HSPG2: variants seen among roughly 807,000 people sequenced by gnomAD.
HSPG2 encodes heparan sulfate proteoglycan 2.
A neutral mutation model predicts 526.6 loss-of-function variants in HSPG2; 278 were observed. The observed-to-expected ratio is 0.53, with a 90% CI of 0.48 to 0.58. The LOEUF (loss-of-function observed/expected upper bound fraction) is 0.58. HSPG2 is among the 20% of genes least tolerant of loss of function. HSPG2 has a pLI of 0.00. For synonymous variants in HSPG2, 2,465 were observed against 2,555.4 expected (o/e 0.96, Z 1.07); for missense variants, 5,354 against 6,099.5 (o/e 0.88, Z 4.07).
At chr1:21,851,461 G>C in intron 55 of HSPG2, 85 bp downstream of exon 55, 1 of 1,595,626 alleles carries the variant, frequency 6.3e-7, no homozygotes. Flanking sequence ...CTGATCTCAG[G>C]GGAGCCTCTA....
At chr1:21,922,056 T>C (rs1309294095) in intron 1 of HSPG2, among the ~76,000 whole-genome samples, 1 of 152,196 alleles carries the variant, frequency 6.6e-6, no homozygotes, top group Admixed American at 6.5e-5. Flanking sequence ...GAGGTTTATC[T>C]AGGACCAAGT....
rs7513608 is a variant in HSPG2, at chr1:21,878,137, G to A, written c.2685+49C>T. The A allele has an allele frequency of 0.23, 359,046 of 1,528,828 alleles. 46,700 individuals carry two copies. The highest frequency in any genetic ancestry group is 0.56 in the East Asian group (24,714 of 44,280). 94.7% of individuals were successfully genotyped at this position (1,528,828 alleles called of 1,614,324 possible). ...AGCTTCCTTCTTCCTCCTCCCAGCT[G>A]TGGTGCTGGGCCCAAGGCCCCTGGG... On this transcript the variant is annotated intron_variant, in intron 21 of 96. Transcript: ENST00000374695.
Position 21,880,719 on chromosome 1 carries a change from G to A in HSPG2, c.1935C>T (p.Leu645=), listed in dbSNP as rs752504052. ...VVLMGAGYRL[L]SRGHTPTQPG... The stretch of plus-strand genomic sequence containing the variant: ...GTTGGGTGGGTGTGTGGCCTCGGGA[G>A]AGGAGGCGGTACCCGGCACCCATGA... The change falls in exon 15 of 97, where the codon CTC becomes CTT. Residue 645 remains leucine (L), a synonymous_variant. Coordinates refer to ENST00000374695, the MANE Select transcript of HSPG2 (RefSeq NM_005529.7). 20 of 1,601,124 alleles carry A rather than the reference G, an allele frequency of 1.2e-5. No individual in the cohort carries two copies. The highest frequency in any genetic ancestry group is 1.6e-5 in the Non-Finnish European group (19 of 1,174,428).
Position 21,833,285 on chromosome 1 carries a change from C to G in HSPG2, c.11078G>C (p.Arg3693Pro), listed in dbSNP as rs746477724. Reference protein sequence around the residue: ...YRKFEIKITFRPDSADGMLLY... With the variant: ...YRKFEIKITFPPDSADGMLLY... ...CTGCTCACCATCGGCTGAGTCGGGC[C>G]GGAAGGTGATCTTGATCTCGAACTT... is the stretch of plus-strand genomic sequence containing the variant. Residue 3693 changes from arginine to proline, a missense_variant, in exon 80 of 97, where the codon CGG (arginine) becomes CCG (proline). By Grantham distance (103) the Arg-to-Pro change is moderately radical. Transcript: ENST00000374695. 6.2e-7 allele frequency: 1 copy of G among 1,613,942 alleles called. No homozygotes were observed. The highest frequency in any genetic ancestry group is 1.6e-4 in the Middle Eastern group (1 of 6,084).
chr1:21,847,907 C>T lies in HSPG2; in HGVS notation c.7873+51G>A, dbSNP rs1009621463. 1 of 1,613,804 alleles carries T rather than the reference C, an allele frequency of 6.2e-7. No homozygotes were observed. Among genetic ancestry groups the T allele is most frequent in the African/African-American group, 1.3e-5 (1 of 75,052 alleles). On this transcript the variant is annotated intron_variant, in intron 60 of 96. Coordinates refer to ENST00000374695, the MANE Select transcript of HSPG2 (RefSeq NM_005529.7). The surrounding 1 kb of genome is among the most constrained non-coding windows in gnomAD (Gnocchi z 4.1). Reference sequence around the variant, plus strand: ...AACAGTGATGGCACCGGGGACCTCTCTGCCACCCTCTGCGCCACTTGTCTG... The same window carrying T: ...AACAGTGATGGCACCGGGGACCTCTTTGCCACCCTCTGCGCCACTTGTCTG...
At chr1:21,829,121 C>A in intron 87 of HSPG2, 42 bp from the exon 88 acceptor site, 1 of 1,523,220 alleles carries the variant, frequency 6.6e-7, no homozygotes, top group Non-Finnish European at 8.8e-7. Flanking sequence ...TGGGGGCACA[C>A]GGGGCTCCCT....
intron 50 of HSPG2, chr1:21,853,903 A>G: frequency 2.1e-6 from 1 of 476,538 alleles, no homozygotes; most frequent in Non-Finnish European, 3.8e-6. Flanking sequence ...GCTAAGGGGC[A>G]GATCTGGGAT....
At chr1:21,886,949 C>T (rs911530238) in intron 9 of HSPG2, among the ~76,000 whole-genome samples, 6 of 152,212 alleles carry the variant, frequency 3.9e-5, no homozygotes, top group Non-Finnish European at 7.3e-5. Flanking sequence ...TGACGAGACA[C>T]GAACCACAGG....
rs1454316962 is a variant in HSPG2, at chr1:21,848,047, G to A, written c.7784C>T (p.Ser2595Leu). The change falls in exon 60 of 97, where the codon TCG becomes TTG. Residue 2595 changes from serine to leucine, a missense_variant. Coordinates refer to ENST00000374695, the MANE Select transcript of HSPG2 (RefSeq NM_005529.7). This position sits in a 1 kb window ranked among gnomAD's most constrained non-coding sequence, Gnocchi z 4.9. ...ACTGACGTGACACACGTACTCGCCCGAGTCTGCCGGAGTCACCTGAGGGAT... is the reference window on the plus strand; with the variant it reads ...ACTGACGTGACACACGTACTCGCCCAAGTCTGCCGGAGTCACCTGAGGGAT... ...LRIPQVTPAD[S>L]GEYVCHVSNG... 7 of 1,612,798 alleles carry A rather than the reference G, an allele frequency of 4.3e-6. No homozygotes were observed. Among genetic ancestry groups the A allele is most frequent in the Non-Finnish European group, 5.1e-6 (6 of 1,179,802 alleles).
At chr1:21,875,071 C>G (rs1194268372) in intron 25 of HSPG2, 69 bp from the exon 26 acceptor site, 1 of 1,127,368 alleles carries the variant, frequency 8.9e-7, no homozygotes, top group Non-Finnish European at 1.3e-6. Flanking sequence ...GAGTCCTCCA[C>G]TGGCAGGGTC....
intron 64 of HSPG2, 135 bp downstream of exon 64, chr1:21,845,973 G>C: frequency 3.7e-6 from 4 of 1,090,688 alleles, no homozygotes; most frequent in South Asian, 2.8e-5. Flanking sequence ...TGTGGGTGGC[G>C]GGAGGTGAAG....
At chr1:21,863,112 C>T (rs1355733235) in intron 37 of HSPG2, among the ~76,000 whole-genome samples, 1 of 140,740 alleles carries the variant, frequency 7.1e-6, no homozygotes, top group Non-Finnish European at 1.5e-5. Flanking sequence ...GTGGCTCACA[C>T]CTGTAATCCC....
chr1:21,841,400 G>C, intron 70 of HSPG2, 115 bp from the exon 71 acceptor site: 1 of 1,559,378 alleles, frequency 6.4e-7, no homozygotes. Context: ...CCACTGCACT[G>C]AGGTGGAAAC....
chr1:21,933,394 T>C (rs1644396667), intron 1 of HSPG2, among the ~76,000 whole-genome samples: 1 of 152,002 alleles, frequency 6.6e-6, no homozygotes, highest in Admixed American at 6.6e-5. Context: ...CACAGGTGAA[T>C]GGGAGGATTC....
intron 1 of HSPG2, among the ~76,000 whole-genome samples, chr1:21,913,505 TCAGA>T (rs1330534130): frequency 6.6e-6 from 1 of 152,162 alleles, no homozygotes; most frequent in Non-Finnish European, 1.5e-5. Flanking sequence ...CCACCTGCCC[TCAGA>T]CAGCCCACGG....
rs2098008342 is a variant in HSPG2, at chr1:21,832,391, T to G, written c.11207+104A>C. ...CACCAAGGGTAACGGCCACATTTTC[T>G]CCTTCCTCCAGATCTCCTTTGTATA... On this transcript the variant is annotated intron_variant, in intron 81 of 96. Coordinates refer to ENST00000374695, the MANE Select transcript of HSPG2 (RefSeq NM_005529.7). 7 of 955,418 alleles carry G rather than the reference T, an allele frequency of 7.3e-6. No homozygotes were observed. The South Asian group carries it at 9.4e-5, about 13-fold the overall frequency. The allele number at this position is 955,418 out of a possible 1,614,324, so 59.2% of individuals were successfully genotyped here.
intron 85 of HSPG2, chr1:21,830,770 G>A (rs1572152858): frequency 5.3e-6 from 3 of 568,626 alleles, no homozygotes; most frequent in Non-Finnish European, 9.4e-6. Context: ...AATTTGGTCA[G>A]CAGGGCTGGA....
At position 21,872,905 on chromosome 1, in the gene HSPG2, G is replaced by C. The variant is rs1454640779; in HGVS notation, c.3888+92C>G. ...CCCATGCCCTGCCCCCCATGCCCAG[G>C]TCTCGGCTTCCACCAGATGCTGCCT... is the stretch of plus-strand genomic sequence containing the variant. On this transcript the variant is annotated intron_variant, in intron 31 of 96. Transcript: ENST00000374695. This position sits in a 1 kb window ranked among gnomAD's most constrained non-coding sequence, Gnocchi z 5.5. 5 of 1,541,360 alleles carry C rather than the reference G, an allele frequency of 3.2e-6. No homozygotes were observed. Among genetic ancestry groups the C allele is most frequent in the Non-Finnish European group, 4.5e-6 (5 of 1,114,748 alleles).
chr1:21,830,690 CAAAA>C, intron 85 of HSPG2: 540 of 105,898 alleles, frequency 5.1e-3, no homozygotes, highest in South Asian at 1.0e-2. Context: ...AACTTCGTCT[CAAAA>C]AAAAAAAAAA....
Sources: gnomAD v4.1 joint callset for allele counts (sites outside exome capture counted in the v4.1 genomes callset) on GRCh38, gnomAD v4.1.1 for gene constraint, Gnocchi (gnomAD v3.1) non-coding constraint, MANE v1.5 for transcripts, NCBI Gene and HGNC (gene_info 2026-07-23, HGNC 2026-07-21) for gene names.